Variants in ARHGAP39 observed in about 807,000 individuals in gnomAD.
The protein encoded by ARHGAP39 is rho GTPase-activating protein 39.
Under a neutral mutation model 106.9 loss-of-function variants are expected in ARHGAP39, and 44 were observed. The ratio of observed to expected loss-of-function variants is 0.41; its 90% confidence interval spans 0.32 to 0.53. The LOEUF (loss-of-function observed/expected upper bound fraction) is 0.53, where lower values mean the gene tolerates loss of function less well. ARHGAP39 is among the 20% of genes least tolerant of loss of function. ARHGAP39 has a pLI of 0.21. For missense variants in ARHGAP39, 1,496 were observed against 1,577.3 expected, an observed-to-expected ratio of 0.95 and a Z score of 0.87; for synonymous variants, 768 against 693.2, an observed-to-expected ratio of 1.11 and a Z score of -1.69.
chr8:144,562,266 G>GCTCCAGTGGTTTCCATCACA (rs1564849192), intron 3 of ARHGAP39, among the ~76,000 whole-genome samples: 18 of 60,968 alleles, frequency 3.0e-4, no homozygotes, highest in Middle Eastern at 0.016. Flanking sequence ...TTTCCATCGT[G>GCTCCAGTGGTTTCCATCACA]CTCCAGTGGT....
At chr8:144,583,371 C>G (rs1036727852) in intron 2 of ARHGAP39, among the ~76,000 whole-genome samples, 5 of 152,240 alleles carry the variant, frequency 3.3e-5, no homozygotes, top group Non-Finnish European at 5.9e-5. Flanking sequence ...GAAACCGCAA[C>G]AGGAAGTGGC....
At chr8:144,663,251 T>A (rs539122532) in intron 1 of ARHGAP39, among the ~76,000 whole-genome samples, 163 of 152,028 alleles carry the variant, frequency 1.1e-3, no homozygotes, top group Middle Eastern at 3.4e-3. Flanking sequence ...ATTTATTTTT[T>A]AAAAAAAAGG....
At chr8:144,565,686 T>C (rs1445943225) in intron 3 of ARHGAP39, among the ~76,000 whole-genome samples, 2 of 151,968 alleles carry the variant, frequency 1.3e-5, no homozygotes. Flanking sequence ...AGATTCCATC[T>C]TAAAAAACAA....
intron 1 of ARHGAP39, among the ~76,000 whole-genome samples, chr8:144,674,780 A>G (rs1222745891): frequency 2.6e-5 from 4 of 152,164 alleles, no homozygotes; most frequent in Non-Finnish European, 4.4e-5. Context: ...GTCGGCACCC[A>G]AAGTCCGAAG....
intron 1 of ARHGAP39, among the ~76,000 whole-genome samples, chr8:144,676,513 T>A (rs1350853520): frequency 6.6e-6 from 1 of 152,162 alleles, no homozygotes; most frequent in African/African-American, 2.4e-5. Context: ...CAGTGCTGAT[T>A]GGTGCGTTTA....
At position 144,581,090 on chromosome 8, in the gene ARHGAP39, T is replaced by A; in HGVS notation, c.268A>T (p.Thr90Ser). 1 of 1,590,214 alleles carries A rather than the reference T, an allele frequency of 6.3e-7. No homozygotes were observed. The highest frequency in any genetic ancestry group is 8.6e-7 in the Non-Finnish European group (1 of 1,169,254). Residue 90 changes from threonine to serine, a missense_variant, in exon 3 of 12, where the codon ACG (threonine) becomes TCG (serine). This residue lies in a region of ARHGAP39 where 25 missense variants were observed against 48.0 expected (regional missense o/e 0.52). Transcript: ENST00000377307. ...CAGCCCTGCGGCCGGTGCCACACCG[T>A]GCGCTGCGTGCTGGCATTGTAGTAG... is the stretch of plus-strand genomic sequence containing the variant. ...FYYYNASTQR[T>S]VWHRPQGCDI...
At chr8:144,674,134 C>T (rs571665641) in intron 1 of ARHGAP39, among the ~76,000 whole-genome samples, 61 of 150,134 alleles carry the variant, frequency 4.1e-4, no homozygotes, top group South Asian at 6.4e-4. Context: ...TGGTGGGGGG[C>T]GGTGGTCGGG....
intron 1 of ARHGAP39, among the ~76,000 whole-genome samples, chr8:144,676,692 C>A (rs185200091): frequency 6.6e-6 from 1 of 152,368 alleles, no homozygotes; most frequent in South Asian, 2.1e-4. Context: ...AGAGGAAGCT[C>A]GTCCCAGATC....
chr8:144,595,013 G>A (rs1819557920), intron 2 of ARHGAP39, among the ~76,000 whole-genome samples: 1 of 152,214 alleles, frequency 6.6e-6, no homozygotes, highest in Non-Finnish European at 1.5e-5. Context: ...TCGCACTCCA[G>A]CCTGACAAGT....
At position 144,533,122 on chromosome 8, in the gene ARHGAP39, G is replaced by C. The variant is rs1378215763; in HGVS notation, c.2888+4C>G. On this transcript the variant is annotated splice_donor_region_variant and intron_variant, in intron 9 of 11. Transcript: ENST00000377307. ...ACACCCGGCGCCCGGGGTTGCCGTG[G>C]CACCTGAAGATGCCCTCTGTCTGGT... is the stretch of plus-strand genomic sequence containing the variant. The C allele has an allele frequency of 6.3e-7, 1 of 1,595,116 alleles. No homozygotes were observed. Among genetic ancestry groups the C allele is most frequent in the Admixed American group, 1.7e-5 (1 of 59,828 alleles).
Position 144,547,930 on chromosome 8 carries a change from C to G in ARHGAP39, c.1156G>C (p.Glu386Gln), listed in dbSNP as rs1006917981. 1.9e-6 allele frequency: 3 copies of G among 1,590,598 alleles called. No homozygotes were observed. Among genetic ancestry groups the G allele is most frequent in the South Asian group, 2.3e-5 (2 of 88,650 alleles). The change falls in exon 5 of 12, where the codon GAG (glutamate) becomes CAG (glutamine). Residue 386 changes from glutamate (E) to glutamine (Q), a missense_variant. By Grantham distance (29) the Glu-to-Gln change is conservative (BLOSUM62 2). Transcript: ENST00000377307. This position sits in a 1 kb window ranked among gnomAD's most constrained non-coding sequence, Gnocchi z 5.2. ...QKCPERFLSL[E>Q]YSPAGKEYVR... ...TACTCCTTGCCGGCGGGACTGTACT[C>G]CAGGCTCAGGAAGCGCTCGGGACAC...
At chr8:144,650,813 G>A (rs557137614) in intron 1 of ARHGAP39, among the ~76,000 whole-genome samples, 54 of 152,178 alleles carry the variant, frequency 3.5e-4, no homozygotes, top group African/African-American at 1.2e-3. Flanking sequence ...AATGGTAAAA[G>A]CTGGAAGCAT....
chr8:144,535,006 C>G (rs1358857490), intron 7 of ARHGAP39, among the ~76,000 whole-genome samples: 1 of 152,174 alleles, frequency 6.6e-6, no homozygotes, highest in Non-Finnish European at 1.5e-5. Context: ...AGAGAACACG[C>G]CAAGAGAAGC....
Position 144,641,298 on chromosome 8 carries a change from C to A in ARHGAP39, c.-81-35603G>T, listed in dbSNP as rs993424131. Among the ~76,000 whole-genome samples the A allele has an allele frequency of 1.3e-5, 2 of 152,094 alleles. No homozygotes were observed. Among genetic ancestry groups the A allele is most frequent in the Non-Finnish European group, 2.9e-5 (2 of 68,020 alleles). ...AAGGAGAGGCAGACGCTATTAAATTCTTTATGGAATGAAAATTAACTCTTT... is the reference window on the plus strand; with the variant it reads ...AAGGAGAGGCAGACGCTATTAAATTATTTATGGAATGAAAATTAACTCTTT... On this transcript the variant is annotated intron_variant, in intron 1 of 11. Transcript: ENST00000377307. This position sits in a 1 kb window ranked among gnomAD's most constrained non-coding sequence, Gnocchi z 5.2.
In ARHGAP39 at chr8:144,555,618, C is replaced by T. The variant is rs763879906; in HGVS notation, c.538G>A (p.Glu180Lys). The T allele has an allele frequency of 4.6e-5, 74 of 1,613,812 alleles. No homozygotes were observed. The highest frequency in any genetic ancestry group is 5.4e-5 in the Non-Finnish European group (64 of 1,180,016). Residue 180 changes from glutamate to lysine, a missense_variant, in exon 4 of 12, where the codon GAG (glutamate) becomes AAG (lysine). Coordinates refer to ENST00000377307, the MANE Select transcript of ARHGAP39 (RefSeq NM_025251.3). ...TCCCGGTAAATCTCATAGTCCTTCT[C>T]AAGGAACACTCCTGGTGGTGAAGAG... ...GSSSPPGVFL[E>K]KDYEIYRDYS... is the part of the protein sequence containing the mutation.
chr8:144,633,456 T>A (rs1305091381), intron 1 of ARHGAP39, among the ~76,000 whole-genome samples: 2 of 151,752 alleles, frequency 1.3e-5, no homozygotes, highest in Non-Finnish European at 2.9e-5. Flanking sequence ...AGACTCCGTC[T>A]CAAAAAAAAG....
intron 7 of ARHGAP39, among the ~76,000 whole-genome samples, chr8:144,535,830 G>A (rs746509946): frequency 6.6e-6 from 1 of 152,248 alleles, no homozygotes; most frequent in Non-Finnish European, 1.5e-5. Flanking sequence ...CTGTGCCTCA[G>A]TTTACTCCTC....
intron 1 of ARHGAP39, among the ~76,000 whole-genome samples, chr8:144,661,231 C>T (rs1008854197): frequency 1.3e-5 from 2 of 152,088 alleles, no homozygotes; most frequent in Non-Finnish European, 2.9e-5. Context: ...TTCCACTCTA[C>T]ACACAGGAGG....
chr8:144,619,911 T>G (rs1820748768), intron 1 of ARHGAP39, among the ~76,000 whole-genome samples: 1 of 147,362 alleles, frequency 6.8e-6, no homozygotes, highest in African/African-American at 2.5e-5. Flanking sequence ...AGAGAGCGTG[T>G]GTGCCCGTGT....
Sources: gnomAD v4.1 joint callset for allele counts (sites outside exome capture counted in the v4.1 genomes callset) on GRCh38, gnomAD v4.1.1 for gene constraint, gnomAD v4.1.1 regional missense constraint, Gnocchi (gnomAD v3.1) non-coding constraint, MANE v1.5 for transcripts, NCBI Gene and HGNC (gene_info 2026-07-23, HGNC 2026-07-21) for gene names.